Variants in CCDC171 observed in about 807,000 individuals in gnomAD.
CCDC171 encodes the protein coiled-coil domain-containing protein 171.
A neutral mutation model predicts 168.2 loss-of-function variants in CCDC171; 177 were observed. That is an observed-to-expected ratio of 1.05 (90% CI 0.93 to 1.19). CCDC171 has a LOEUF of 1.19. Ranked by LOEUF, CCDC171 falls within the 50% of genes most tolerant of loss-of-function variation. CCDC171 has a pLI of 0.00. For synonymous variants in CCDC171, 687 were observed against 540.8 expected (o/e 1.27, Z -3.75); for missense variants, 1,991 against 1,539.0 (o/e 1.29, Z -4.91).
intron 16 of CCDC171, among the ~76,000 whole-genome samples, chr9:15,740,982 A>G (rs2054839349): frequency 6.6e-6 from 1 of 152,140 alleles, no homozygotes; most frequent in Non-Finnish European, 1.5e-5. Context: ...TTTTCCTCAT[A>G]TAGATTTTTT....
intron 23 of CCDC171, among the ~76,000 whole-genome samples, chr9:15,860,021 A>G (rs1437900924): frequency 6.6e-6 from 1 of 150,724 alleles, no homozygotes; most frequent in Non-Finnish European, 1.5e-5. Context: ...GTTAGGTTGC[A>G]TGTTTCTTAG....
chr9:16,013,296 T>C (rs974813611), intron 3 of CCDC171, among the ~76,000 whole-genome samples: 4 of 152,198 alleles, frequency 2.6e-5, no homozygotes, highest in Admixed American at 6.5e-5. Flanking sequence ...ATTTATTCCC[T>C]GGAAAAAATC....
chr9:15,779,023 C>T lies in CCDC171; in HGVS notation c.2954C>T (p.Ala985Val). 6.3e-7 allele frequency: 1 copy of T among 1,596,144 alleles called. No individual in the cohort carries two copies. Among genetic ancestry groups the T allele is most frequent in the Non-Finnish European group, 8.5e-7 (1 of 1,172,414 alleles). Reference protein sequence around the residue: ...QILGFTQRLHAAEVERRSLRL... With the variant: ...QILGFTQRLHVAEVERRSLRL... The stretch of plus-strand genomic sequence containing the variant: ...CTTGGATTTACACAAAGACTGCATG[C>T]TGCAGAAGTGGAGCGCCGCTCACTA... Residue 985 changes from alanine to valine, a missense_variant, in exon 20 of 26, where the codon GCT becomes GTT. Ala to Val is a moderately conservative substitution (Grantham distance 64). Transcript: ENST00000380701.
chr9:15,861,599 A>C (rs1171794103), intron 23 of CCDC171, among the ~76,000 whole-genome samples: 1 of 151,900 alleles, frequency 6.6e-6, no homozygotes, highest in Non-Finnish European at 1.5e-5. Context: ...AGTTGATAAC[A>C]ACTTAACTTT....
At chr9:15,783,014 T>C (rs1416921554) in intron 20 of CCDC171, among the ~76,000 whole-genome samples, 1 of 152,222 alleles carries the variant, frequency 6.6e-6, no homozygotes, top group Non-Finnish European at 1.5e-5. Flanking sequence ...TGCTACACTA[T>C]TGGCTTTTAA....
At chr9:15,698,516 G>A (rs1452136026) in intron 11 of CCDC171, among the ~76,000 whole-genome samples, 15 of 70,088 alleles carry the variant, frequency 2.1e-4, no homozygotes, top group South Asian at 6.4e-4. Context: ...GCAAGACCCC[G>A]TCTCAAAAAA....
At chr9:15,623,226 G>T in intron 6 of CCDC171, 41 bp from the exon 7 acceptor site, 1 of 1,477,010 alleles carries the variant, frequency 6.8e-7, no homozygotes, top group East Asian at 2.4e-5. Context: ...GTCATTGATG[G>T]CTTATAAACT....
intron 20 of CCDC171, among the ~76,000 whole-genome samples, chr9:15,783,579 A>G (rs2057778797): frequency 1.3e-5 from 2 of 152,308 alleles, no homozygotes; most frequent in East Asian, 1.9e-4. Context: ...TTCTCAGGTT[A>G]TCTACCTTTT....
At chr9:15,598,731 C>T (rs908114245) in intron 6 of CCDC171, among the ~76,000 whole-genome samples, 1 of 152,074 alleles carries the variant, frequency 6.6e-6, no homozygotes, top group African/African-American at 2.4e-5. Flanking sequence ...ATTGATCTGT[C>T]TAATGTTGAC....
rs758073371 is a variant in CCDC171 at position 15,803,655 on chromosome 9, A to C, written c.3267+18961A>C. Among the ~76,000 whole-genome samples the C allele has an allele frequency of 4.0e-5, 6 of 151,834 alleles. No homozygotes were observed. In the East Asian group the frequency reaches 9.6e-4, roughly 24 times the overall value. On this transcript the variant is annotated intron_variant, in intron 21 of 25. Transcript: ENST00000380701. ...CTTGTACCAGTACCATGCTGTTTTG[A>C]TTACAGTAGCCCTGTAGTATAGTTT... is the stretch of plus-strand genomic sequence containing the variant.
At chr9:15,980,882 A>G (rs1831774297) in intron 3 of CCDC171, among the ~76,000 whole-genome samples, 1 of 150,286 alleles carries the variant, frequency 6.7e-6, no homozygotes, top group African/African-American at 2.4e-5. Context: ...CATACCAGAG[A>G]CTGAGTAATT....
chr9:15,691,544 T>TGATA (rs1554762170), intron 10 of CCDC171, among the ~76,000 whole-genome samples: 3 of 87,792 alleles, frequency 3.4e-5, no homozygotes, highest in Admixed American at 2.0e-4. Context: ...AATATATGTT[T>TGATA]TTTATATATA....
At chr9:15,965,699 A>ACTCTG (rs1830727027) in intron 25 of CCDC171, among the ~76,000 whole-genome samples, 1 of 29,620 alleles carries the variant, frequency 3.4e-5, no homozygotes. Flanking sequence ...AAGGGAAGAT[A>ACTCTG]TGCTACACAT....
chr9:15,603,741 G>T (rs1360279904), intron 6 of CCDC171, among the ~76,000 whole-genome samples: 1 of 151,396 alleles, frequency 6.6e-6, no homozygotes, highest in African/African-American at 2.4e-5. Context: ...ATAGTAGAAT[G>T]ATTTATATTC....
chr9:15,853,888 G>A (rs945069093), intron 23 of CCDC171, among the ~76,000 whole-genome samples: 2 of 151,392 alleles, frequency 1.3e-5, no homozygotes, highest in East Asian at 1.9e-4. Flanking sequence ...TCCTACTGAT[G>A]TTTTGTACTA....
intron 21 of CCDC171, among the ~76,000 whole-genome samples, chr9:15,815,812 T>A (rs1465679841): frequency 8.5e-6 from 1 of 117,308 alleles, no homozygotes; most frequent in East Asian, 2.1e-4. Context: ...AATTTAAAAG[T>A]CTTATCACTT....
At chr9:15,979,823 T>C (rs530699499) in intron 3 of CCDC171, among the ~76,000 whole-genome samples, 20 of 152,202 alleles carry the variant, frequency 1.3e-4, no homozygotes, top group African/African-American at 4.3e-4. Flanking sequence ...TTATCCCTTC[T>C]CTTCTATTTT....
intron 24 of CCDC171, among the ~76,000 whole-genome samples, chr9:15,894,516 A>G (rs1477185289): frequency 1.3e-5 from 2 of 152,022 alleles, no homozygotes; most frequent in African/African-American, 4.8e-5. Context: ...CTTAAAATGA[A>G]CTTCAAACTT....
At chr9:15,857,994 T>A (rs2061411850) in intron 23 of CCDC171, among the ~76,000 whole-genome samples, 2 of 151,962 alleles carry the variant, frequency 1.3e-5, no homozygotes, top group South Asian at 4.1e-4. Flanking sequence ...TATATATGTA[T>A]ATATGTATGC....
Sources: allele counts gnomAD v4.1 joint callset (sites outside exome capture counted in the v4.1 genomes callset), GRCh38; gene constraint gnomAD v4.1.1; transcripts MANE v1.5; gene names NCBI Gene and HGNC (gene_info 2026-07-23, HGNC 2026-07-21).